GOLGA4: variants seen among roughly 807,000 people sequenced by gnomAD.
The protein encoded by GOLGA4 is golgin subfamily A member 4.
In GOLGA4, 169 loss-of-function variants were observed where a neutral mutation model predicts 265.9. The observed-to-expected ratio is 0.64, with a 90% CI of 0.56 to 0.72. The LOEUF is 0.72. GOLGA4 is among the 30% of genes least tolerant of loss of function. GOLGA4 has a pLI of 0.00. For synonymous variants in GOLGA4, 923 were observed against 855.8 expected (o/e 1.08, Z -1.37); for missense variants, 2,482 against 2,483.4 (o/e 1.00, Z 0.01).
At chr3:37,365,649 A>G (rs1428121270) in intron 23 of GOLGA4, among the ~76,000 whole-genome samples, 3 of 152,250 alleles carry the variant, frequency 2.0e-5, no homozygotes, top group Non-Finnish European at 4.4e-5. Context: ...ATAAACTGGT[A>G]GCATTCGATA....
Position 37,324,862 on chromosome 3 carries a change from TAGTC to T in GOLGA4, c.2979_2982del (p.Ser993ArgfsTer36). The T allele has an allele frequency of 6.3e-7, 1 of 1,594,714 alleles. No individual in the cohort carries two copies. Among genetic ancestry groups the T allele is most frequent in the Non-Finnish European group, 8.5e-7 (1 of 1,174,564 alleles). ...AGCTTGAAAATACTGCTCTAGAGCTTAGTCAGAAAGAAAAACAGTTTAATGCCAA... is the reference window on the plus strand; with the variant it reads ...AGCTTGAAAATACTGCTCTAGAGCTTAGAAAGAAAAACAGTTTAATGCCAA... On this transcript the variant is annotated frameshift_variant, in exon 14 of 24. Transcript: ENST00000361924. LOFTEE classifies it high-confidence loss of function.
At position 37,299,319 on chromosome 3, in the gene GOLGA4, T is replaced by C. The variant is rs2096886934; in HGVS notation, c.1034T>C (p.Ile345Thr). 4 of 1,613,226 alleles carry C rather than the reference T, an allele frequency of 2.5e-6. No individual in the cohort carries two copies. The highest frequency in any genetic ancestry group is 2.7e-5 in the African/African-American group (2 of 74,922). Residue 345 changes from isoleucine to threonine, a missense_variant, in exon 9 of 24, where the codon ATC (isoleucine) becomes ACC (threonine). By Grantham distance (89) the Ile-to-Thr change is moderately conservative (BLOSUM62 -1). Coordinates refer to ENST00000361924, the MANE Select transcript of GOLGA4 (RefSeq NM_002078.5). The stretch of plus-strand genomic sequence containing the variant: ...CATATGGCCGAGAAGACTAAACTTA[T>C]CACTCAGTTGCGTGATGCAAAGAAC... The part of the protein sequence containing the change: ...DLHMAEKTKL[I>T]TQLRDAKNLI...
chr3:37,260,865 C>T (rs1360588750), intron 2 of GOLGA4, among the ~76,000 whole-genome samples: 1 of 151,776 alleles, frequency 6.6e-6, no homozygotes, highest in African/African-American at 2.4e-5. Context: ...GAAGTTTTTT[C>T]ACATGGGAAA....
chr3:37,358,312 A>G (rs1318438200), intron 22 of GOLGA4, among the ~76,000 whole-genome samples: 3 of 152,148 alleles, frequency 2.0e-5, no homozygotes, highest in Non-Finnish European at 4.4e-5. Flanking sequence ...TATCTTTACT[A>G]TACTTCTCTC....
At chr3:37,282,363 A>G in intron 3 of GOLGA4, 91 bp downstream of exon 3, 1 of 905,382 alleles carries the variant, frequency 1.1e-6, no homozygotes, top group South Asian at 1.6e-5. Context: ...GTGATTGGCT[A>G]AACTGTTAAT....
rs1302300123 is a variant in GOLGA4 at position 37,363,102 on chromosome 3, A to C, written c.*33+1797A>C. ...TGGCCCTCTAAGCTTTTATCTTTAAAAATCTTCTGTGCCTTCATTTGAGCC... is the reference window on the plus strand; with the variant it reads ...TGGCCCTCTAAGCTTTTATCTTTAACAATCTTCTGTGCCTTCATTTGAGCC... On this transcript the variant is annotated intron_variant, in intron 23 of 23. Coordinates refer to ENST00000361924, the MANE Select transcript of GOLGA4 (RefSeq NM_002078.5). Among the ~76,000 whole-genome samples the C allele has an allele frequency of 2.6e-5, 4 of 152,006 alleles. No individual in the cohort carries two copies. In the East Asian group the frequency reaches 7.7e-4, roughly 29 times the overall value.
rs542028405 is a variant in GOLGA4 at position 37,319,305 on chromosome 3, C to T, written c.1545+111C>T. Reference sequence around the variant, plus strand: ...GAAGTCAGACTACTGGCAGTCTTGACGTTTGGGTATAAAGAGAGGATAGAG... The same window carrying T: ...GAAGTCAGACTACTGGCAGTCTTGATGTTTGGGTATAAAGAGAGGATAGAG... On this transcript the variant is annotated intron_variant, in intron 12 of 23. Transcript: ENST00000361924. The T allele has an allele frequency of 2.8e-4, 226 of 793,588 alleles. 1 individual carries two copies. The highest frequency in any genetic ancestry group is 4.1e-4 in the Non-Finnish European group (209 of 505,158). The allele number at this position is 793,588 out of a possible 1,614,324, so 49.2% of individuals were successfully genotyped here. A position where few individuals can be genotyped will look rare whatever the true frequency, so the allele number is the denominator to read the frequency against.
chr3:37,285,637 G>A (rs1283791256), intron 3 of GOLGA4, among the ~76,000 whole-genome samples: 1 of 152,170 alleles, frequency 6.6e-6, no homozygotes, highest in Admixed American at 6.5e-5. Flanking sequence ...GTTAGATTGG[G>A]GTGGGGCCCA....
chr3:37,280,449 A>G (rs2096831752), intron 2 of GOLGA4, among the ~76,000 whole-genome samples: 1 of 152,214 alleles, frequency 6.6e-6, no homozygotes, highest in African/African-American at 2.4e-5. Flanking sequence ...TATATGAAAC[A>G]TAAATGAATT....
At chr3:37,243,647 C>T (rs952793181) in intron 1 of GOLGA4, 25 bp downstream of exon 1, 7 of 1,598,596 alleles carry the variant, frequency 4.4e-6, no homozygotes, top group Admixed American at 1.7e-5. Context: ...GCTCTCCTCC[C>T]CTGGTTCCGA....
chr3:37,286,839 T>C (rs2096850822), intron 4 of GOLGA4, among the ~76,000 whole-genome samples: 1 of 152,208 alleles, frequency 6.6e-6, no homozygotes, highest in Middle Eastern at 3.2e-3. Flanking sequence ...TGGCTGCTGC[T>C]TGTGAAGCTT....
rs761789245 is a variant in GOLGA4, at chr3:37,327,233, G to A, written c.5347G>A (p.Ala1783Thr). The change falls in exon 14 of 24, where the codon GCT becomes ACT. Residue 1783 changes from alanine to threonine, a missense_variant. Transcript: ENST00000361924. The stretch of plus-strand genomic sequence containing the variant: ...GGAGCGCTTAATAAAGCTAGAACAT[G>A]CTGAGGCAAAGCAACATGAAGATCA... ...YQERLIKLEH[A>T]EAKQHEDQSM... 3.1e-6 allele frequency: 5 copies of A among 1,613,920 alleles called. No individual in the cohort carries two copies. In the South Asian group the frequency reaches 4.4e-5, roughly 14 times the overall value.
At chr3:37,319,602 G>A (rs2096949108) in intron 12 of GOLGA4, 1 of 152,568 alleles carries the variant, frequency 6.6e-6, no homozygotes, top group Non-Finnish European at 1.5e-5. Context: ...ATTTTTAGTA[G>A]AGATGGGGTT....
rs556122542 is a variant in GOLGA4 at position 37,266,885 on chromosome 3, A to G, written c.163-15073A>G. On this transcript the variant is annotated intron_variant, in intron 2 of 23. Transcript: ENST00000361924. ...GCAGAGCCTGCTTTTCTCTCTGAGT[A>G]TACTATCTTTGCTTTGGATTCCTCC... The G allele has an allele frequency of 8.5e-6, 11 of 1,288,758 alleles. No individual in the cohort carries two copies. The East Asian group carries it at 1.7e-4, about 20-fold the overall frequency. The allele number at this position is 1,288,758 out of a possible 1,614,324, so 79.8% of individuals were successfully genotyped here. A position where few individuals can be genotyped will look rare whatever the true frequency, so the allele number is the denominator to read the frequency against.
chr3:37,284,414 C>T (rs974177266), intron 3 of GOLGA4, among the ~76,000 whole-genome samples: 2 of 151,984 alleles, frequency 1.3e-5, no homozygotes, highest in Non-Finnish European at 2.9e-5. Flanking sequence ...CCACCATGCT[C>T]AGCTAATGTT....
intron 7 of GOLGA4, among the ~76,000 whole-genome samples, chr3:37,296,566 G>A (rs1361493989): frequency 6.6e-6 from 1 of 152,032 alleles, no homozygotes; most frequent in Non-Finnish European, 1.5e-5. Context: ...GAAAATAAGT[G>A]TTTTTTGTTT....
At chr3:37,332,730 A>T (rs1181953022) in intron 16 of GOLGA4, among the ~76,000 whole-genome samples, 2 of 152,152 alleles carry the variant, frequency 1.3e-5, no homozygotes, top group East Asian at 3.9e-4. Flanking sequence ...CTTATACTCC[A>T]GTGTTTCATT....
At chr3:37,263,767 A>G (rs188026080) in intron 2 of GOLGA4, among the ~76,000 whole-genome samples, 3 of 152,226 alleles carry the variant, frequency 2.0e-5, no homozygotes, top group Non-Finnish European at 4.4e-5. Flanking sequence ...GAGAGTTTCA[A>G]ATAGTCTTCA....
chr3:37,341,039 C>T (rs998762177), intron 20 of GOLGA4, among the ~76,000 whole-genome samples: 8 of 152,016 alleles, frequency 5.3e-5, no homozygotes, highest in African/African-American at 1.7e-4. Context: ...TGGTGGCATG[C>T]GCCTGTAGTC....
Sources: gnomAD v4.1 joint callset for allele counts (sites outside exome capture counted in the v4.1 genomes callset) on GRCh38, gnomAD v4.1.1 for gene constraint, MANE v1.5 for transcripts, NCBI Gene and HGNC (gene_info 2026-07-23, HGNC 2026-07-21) for gene names.